The following GPR39 variants were observed in gnomAD, a reference collection of about 807,000 sequenced individuals.
GPR39 encodes G protein-coupled receptor 39, also known as zinc sensing receptor.
Under a neutral mutation model 18.4 loss-of-function variants are expected in GPR39, and 23 were observed. The ratio of observed to expected loss-of-function variants is 1.25; its 90% CI spans 0.90 to 1.77. The LOEUF (loss-of-function observed/expected upper bound fraction) is 1.77, where lower values mean the gene tolerates loss of function less well. GPR39 is among the 40% of genes most tolerant of loss of function. GPR39 has a pLI of 0.00. For missense variants in GPR39, 647 were observed against 602.4 expected (o/e 1.07, Z -0.78); for synonymous variants, 280 against 257.9 (o/e 1.09, Z -0.82).
At position 132,627,428 on chromosome 2, in the gene GPR39, C is replaced by T. The variant is rs557679047; in HGVS notation, c.857-17673C>T. ...GTGGCAAGACACTACTTTGTCTTTA[C>T]CTCAAACCCAGGATTCTAGGAAGCA... On this transcript the variant is annotated intron_variant, in intron 1 of 1. Transcript: ENST00000329321. Among the ~76,000 whole-genome samples the T allele has an allele frequency of 2.0e-5, 3 of 152,302 alleles. No homozygotes were observed. In the South Asian group the frequency reaches 6.2e-4, roughly 32 times the overall value.
intron 1 of GPR39, among the ~76,000 whole-genome samples, chr2:132,593,516 A>C (rs73955745): frequency 0.015 from 2,314 of 152,298 alleles, 72 homozygotes; most frequent in African/African-American, 0.053. Flanking sequence ...TCAAGGGCTT[A>C]TAGGTTAACT....
chr2:132,510,132 A>G (rs1429698197), intron 1 of GPR39, among the ~76,000 whole-genome samples: 1 of 152,222 alleles, frequency 6.6e-6, no homozygotes, highest in Non-Finnish European at 1.5e-5. Flanking sequence ...ATTTGTAAGC[A>G]TAGTCCTGAC....
At chr2:132,454,582 A>T (rs1279758926) in intron 1 of GPR39, among the ~76,000 whole-genome samples, 1 of 152,202 alleles carries the variant, frequency 6.6e-6, no homozygotes, top group Non-Finnish European at 1.5e-5. Flanking sequence ...GAATACTTCC[A>T]GTTTTTACCC....
chr2:132,536,461 A>G (rs947849979), intron 1 of GPR39, among the ~76,000 whole-genome samples: 1 of 152,142 alleles, frequency 6.6e-6, no homozygotes, highest in African/African-American at 2.4e-5. Flanking sequence ...GTTCTTTTGC[A>G]TTTGCTGAGC....
intron 1 of GPR39, among the ~76,000 whole-genome samples, chr2:132,457,459 G>T (rs761302903): frequency 3.3e-5 from 5 of 152,078 alleles, no homozygotes; most frequent in Non-Finnish European, 7.3e-5. Flanking sequence ...TGTTATTACC[G>T]ACCTTCTGAA....
chr2:132,549,826 C>A (rs1177882084), intron 1 of GPR39, among the ~76,000 whole-genome samples: 1 of 152,122 alleles, frequency 6.6e-6, no homozygotes, highest in Non-Finnish European at 1.5e-5. Flanking sequence ...AAGATACACT[C>A]CCTAAGAATC....
chr2:132,629,495 A>T (rs1304438767), intron 1 of GPR39, among the ~76,000 whole-genome samples: 1 of 152,234 alleles, frequency 6.6e-6, no homozygotes, highest in Non-Finnish European at 1.5e-5. Flanking sequence ...TATAATGTGA[A>T]TTATGTGTAA....
chr2:132,569,004 A>G (rs560113131), intron 1 of GPR39, among the ~76,000 whole-genome samples: 1 of 152,194 alleles, frequency 6.6e-6, no homozygotes, highest in East Asian at 1.9e-4. Flanking sequence ...AATTGACTCA[A>G]TGAAATGCAT....
chr2:132,643,879 G>A (rs2104882527), intron 1 of GPR39, among the ~76,000 whole-genome samples: 1 of 152,278 alleles, frequency 6.6e-6, no homozygotes, highest in South Asian at 2.1e-4. Context: ...ATTGCCAACT[G>A]TCACTTCCCT....
intron 1 of GPR39, among the ~76,000 whole-genome samples, chr2:132,607,851 G>T (rs1573695384): frequency 6.6e-6 from 1 of 152,156 alleles, no homozygotes; most frequent in African/African-American, 2.4e-5. Flanking sequence ...GGCAATCAGG[G>T]TCTTTAATAG....
At chr2:132,518,361 A>C (rs1236979445) in intron 1 of GPR39, among the ~76,000 whole-genome samples, 2 of 152,228 alleles carry the variant, frequency 1.3e-5, no homozygotes, top group Non-Finnish European at 2.9e-5. Context: ...TTTAGCTCAC[A>C]GCTACTAATG....
intron 1 of GPR39, among the ~76,000 whole-genome samples, chr2:132,578,277 A>G (rs1319255710): frequency 6.6e-6 from 1 of 152,116 alleles, no homozygotes; most frequent in Non-Finnish European, 1.5e-5. Context: ...ATTGTTAAAT[A>G]CTATTTACTG....
At chr2:132,575,378 T>G (rs1173791334) in intron 1 of GPR39, among the ~76,000 whole-genome samples, 1 of 152,218 alleles carries the variant, frequency 6.6e-6, no homozygotes, top group Admixed American at 6.5e-5. Context: ...TTATAAGAAA[T>G]AAGAGATCCC....
chr2:132,623,371 G>A (rs1681480499), intron 1 of GPR39, among the ~76,000 whole-genome samples: 1 of 152,180 alleles, frequency 6.6e-6, no homozygotes, highest in South Asian at 2.1e-4. Flanking sequence ...ATCTGAAAAA[G>A]AAGGGCTGTG....
At chr2:132,534,925 C>T (rs1397481244) in intron 1 of GPR39, among the ~76,000 whole-genome samples, 2 of 151,974 alleles carry the variant, frequency 1.3e-5, no homozygotes, top group Non-Finnish European at 2.9e-5. Flanking sequence ...ACCAACATGG[C>T]ACATGTGTAC....
At chr2:132,611,351 G>A (rs1384218536) in intron 1 of GPR39, among the ~76,000 whole-genome samples, 1 of 152,192 alleles carries the variant, frequency 6.6e-6, no homozygotes, top group East Asian at 1.9e-4. Context: ...TAATGGCCAA[G>A]TTGGCATGTT....
intron 1 of GPR39, among the ~76,000 whole-genome samples, chr2:132,515,777 A>G (rs1679321820): frequency 6.6e-6 from 1 of 152,192 alleles, no homozygotes. Context: ...CCTAGAGGGA[A>G]GGAATGTCAC....
intron 1 of GPR39, among the ~76,000 whole-genome samples, chr2:132,600,147 C>T (rs1681014083): frequency 6.6e-6 from 1 of 152,146 alleles, no homozygotes; most frequent in African/African-American, 2.4e-5. Context: ...TGTCCCTGAA[C>T]AACCAGTGAG....
chr2:132,427,131 CATATATATATATATAT>C (rs199931479), intron 1 of GPR39, among the ~76,000 whole-genome samples: 42 of 80,772 alleles, frequency 5.2e-4, no homozygotes, highest in African/African-American at 1.6e-3. Flanking sequence ...TATATAGGTA[CATATATATATATATAT>C]ATATATATAT....
Sources: allele counts gnomAD v4.1 joint callset (sites outside exome capture counted in the v4.1 genomes callset), GRCh38; gene constraint gnomAD v4.1.1; transcripts MANE v1.5; gene names NCBI Gene and HGNC (gene_info 2026-07-23, HGNC 2026-07-21).